Variants in MRC2 observed in about 807,000 individuals in gnomAD.
The protein encoded by MRC2 is mannose receptor C-type 2, also known as C-type mannose receptor 2.
A neutral mutation model predicts 206.2 loss-of-function variants in MRC2; 84 were observed. The observed-to-expected ratio is 0.41, with a 90% CI of 0.34 to 0.49. The LOEUF is 0.49. MRC2 is among the 20% of genes least tolerant of loss of function. The pLI, the probability that MRC2 is intolerant of heterozygous loss-of-function variation, is 0.31. For synonymous variants in MRC2, 798 were observed against 800.0 expected, an observed-to-expected ratio of 1.00 and a Z score of 0.04; for missense variants, 1,676 against 2,001.5, an observed-to-expected ratio of 0.84 and a Z score of 3.10.
chr17:62,666,962 G>A lies in MRC2; in HGVS notation c.973+92G>A, dbSNP rs1266579063. 1.0e-6 allele frequency: 1 copy of A among 967,240 alleles called. No individual in the cohort carries two copies. The highest frequency in any genetic ancestry group is 1.6e-6 in the Non-Finnish European group (1 of 629,378). 59.9% of individuals were successfully genotyped at this position (967,240 alleles called of 1,614,324 possible). ...TCCTCTCCTCATGTCCTCCTGCAGA[G>A]GGGCAGTGTGGGTAGGGGAAGCACC... On this transcript the variant is annotated intron_variant, in intron 5 of 29. Transcript: ENST00000303375. This position sits in a 1 kb window ranked among gnomAD's most constrained non-coding sequence, Gnocchi z 5.0.
chr17:62,665,401 T>TCC (rs11297640), intron 2 of MRC2, among the ~76,000 whole-genome samples: 35 of 130,618 alleles, frequency 2.7e-4, no homozygotes, highest in African/African-American at 8.8e-4. Flanking sequence ...CAAGACTCTG[T>TCC]CCCCCCCCCC....
chr17:62,682,059 A>G (rs1367459348), intron 19 of MRC2, 122 bp downstream of exon 19: 3 of 1,103,726 alleles, frequency 2.7e-6, no homozygotes, highest in Non-Finnish European at 1.3e-6. Flanking sequence ...AATAAAGGCT[A>G]GACTCAGCGA....
intron 13 of MRC2, among the ~76,000 whole-genome samples, chr17:62,678,855 G>A (rs1239081364): frequency 2.6e-5 from 4 of 152,126 alleles, no homozygotes; most frequent in South Asian, 2.1e-4. Flanking sequence ...GAACAGGCTG[G>A]TGTGATCCAT....
At chr17:62,647,522 A>T (rs1021986190) in intron 1 of MRC2, among the ~76,000 whole-genome samples, 1 of 152,082 alleles carries the variant, frequency 6.6e-6, no homozygotes, top group Non-Finnish European at 1.5e-5. Context: ...ATAGAATGTG[A>T]ACTTCTGTGT....
chr17:62,674,591 T>G (rs2088867496), intron 9 of MRC2, among the ~76,000 whole-genome samples: 1 of 152,148 alleles, frequency 6.6e-6, no homozygotes, highest in Admixed American at 6.5e-5. Context: ...ACAGGGCGTG[T>G]GCTGGTCTGT....
chr17:62,691,998 A>G, intron 28 of MRC2, 114 bp from the exon 29 acceptor site: 4 of 1,375,802 alleles, frequency 2.9e-6, no homozygotes, highest in Non-Finnish European at 4.1e-6. Context: ...GGGGAACTAG[A>G]GCCTCTTTCT....
chr17:62,653,864 C>T (rs567361471), intron 1 of MRC2, among the ~76,000 whole-genome samples: 1 of 152,024 alleles, frequency 6.6e-6, no homozygotes, highest in Non-Finnish European at 1.5e-5. Flanking sequence ...TCATGTAACC[C>T]CCGTCCTCCA....
At chr17:62,686,432 A>C (rs1248819821) in intron 20 of MRC2, among the ~76,000 whole-genome samples, 1 of 145,516 alleles carries the variant, frequency 6.9e-6, no homozygotes, top group East Asian at 2.0e-4. Flanking sequence ...CAGCCTGGGC[A>C]ACAAAGCAAG....
At chr17:62,634,327 G>C (rs1432137488) in intron 1 of MRC2, among the ~76,000 whole-genome samples, 1 of 151,718 alleles carries the variant, frequency 6.6e-6, no homozygotes, top group African/African-American at 2.4e-5. Context: ...TTGAGATGGA[G>C]TCTCACTCTG....
chr17:62,639,153 TG>T (rs1405103259), intron 1 of MRC2, among the ~76,000 whole-genome samples: 1 of 152,110 alleles, frequency 6.6e-6, no homozygotes, highest in Non-Finnish European at 1.5e-5. Flanking sequence ...CTGGCCAACA[TG>T]GTGAAACCCC....
Position 62,677,468 on chromosome 17 carries a change from A to G in MRC2, c.2034A>G (p.Lys678=). 2 of 1,605,508 alleles carry G rather than the reference A, an allele frequency of 1.2e-6. No homozygotes were observed. The highest frequency in any genetic ancestry group is 1.7e-6 in the Non-Finnish European group (2 of 1,175,068). ...SCPQGWASDT[K]LRYCYKVFSS... is the part of the protein sequence containing the mutation. ...CCCAGGGCTGGGCCTCGGACACCAA[A>G]CTCCGGTATTGCTATAAGGTAGGGC... Residue 678 remains lysine (K), a synonymous_variant, in exon 12 of 30, where the codon AAA becomes AAG. Transcript: ENST00000303375.
chr17:62,666,668 T>C lies in MRC2; in HGVS notation c.859+49T>C. ...TCGTGCCTCTGGAGGGCCCGGGCCC[T>C]TTCCGCTTGTGGGTTGGGGAGAGGG... is the stretch of plus-strand genomic sequence containing the variant. On this transcript the variant is annotated intron_variant, in intron 4 of 29. Transcript: ENST00000303375. This position sits in a 1 kb window ranked among gnomAD's most constrained non-coding sequence, Gnocchi z 5.0. 6.4e-7 allele frequency: 1 copy of C among 1,550,634 alleles called. No individual in the cohort carries two copies. Among genetic ancestry groups the C allele is most frequent in the Non-Finnish European group, 8.7e-7 (1 of 1,146,698 alleles).
chr17:62,682,173 G>T (rs2088975661), intron 19 of MRC2, 62 bp from the exon 20 acceptor site: 7 of 1,458,074 alleles, frequency 4.8e-6, no homozygotes, highest in Non-Finnish European at 6.4e-6. Flanking sequence ...TGAGTGTGCT[G>T]CCAGCCATGC....
rs999995317 is a variant in MRC2 at position 62,655,198 on chromosome 17, A to G, written c.119-9350A>G. ...CTACTCGGGAGGCTGAGGCAGGAGA[A>G]TGGCATGAACCCCAGGGGTGGAGCC... On this transcript the variant is annotated intron_variant, in intron 1 of 29. Coordinates refer to ENST00000303375, the MANE Select transcript of MRC2 (RefSeq NM_006039.5). Among the ~76,000 whole-genome samples the G allele has an allele frequency of 2.0e-5, 3 of 149,962 alleles. No homozygotes were observed. The Admixed American group carries it at 2.0e-4, about 10-fold the overall frequency.
At chr17:62,632,064 C>T (rs2084220381) in intron 1 of MRC2, among the ~76,000 whole-genome samples, 1 of 152,106 alleles carries the variant, frequency 6.6e-6, no homozygotes, top group African/African-American at 2.4e-5. Context: ...TCCTGTGAAT[C>T]TGGGTGGGGT....
At chr17:62,642,027 A>G (rs1401321561) in intron 1 of MRC2, among the ~76,000 whole-genome samples, 2 of 152,234 alleles carry the variant, frequency 1.3e-5, no homozygotes, top group Admixed American at 6.5e-5. Context: ...CTATGTAACC[A>G]TAATATCTAA....
intron 9 of MRC2, among the ~76,000 whole-genome samples, chr17:62,674,700 GA>G (rs796474555): frequency 1.7e-3 from 233 of 134,822 alleles, no homozygotes; most frequent in African/African-American, 5.0e-3. Context: ...TAGGGAGGTT[GA>G]GGGGGGGGGT....
At chr17:62,653,833 G>A (rs2088586542) in intron 1 of MRC2, among the ~76,000 whole-genome samples, 3 of 152,120 alleles carry the variant, frequency 2.0e-5, no homozygotes, top group Admixed American at 2.0e-4. Flanking sequence ...GCACAGTTGG[G>A]CGGGGTATTG....
In MRC2 at chr17:62,675,027, C is replaced by G. The variant is rs62076155; in HGVS notation, c.1570-763C>G. Among the ~76,000 whole-genome samples the G allele has an allele frequency of 0.088, 13,456 of 152,262 alleles. 699 individuals carry two copies. The highest frequency in any genetic ancestry group is 0.2 in the South Asian group (960 of 4,830). ...ATGGGCGAGGAAGCAGAGGGGAGAG[C>G]AGAGCCCAGCTGCGGAGTCTGTGGA... On this transcript the variant is annotated intron_variant, in intron 9 of 29. Coordinates refer to ENST00000303375, the MANE Select transcript of MRC2 (RefSeq NM_006039.5). This position sits in a 1 kb window ranked among gnomAD's most constrained non-coding sequence, Gnocchi z 4.1.
Sources: allele counts gnomAD v4.1 joint callset (sites outside exome capture counted in the v4.1 genomes callset), GRCh38; gene constraint gnomAD v4.1.1; non-coding constraint Gnocchi (gnomAD v3.1); transcripts MANE v1.5; gene names NCBI Gene and HGNC (gene_info 2026-07-23, HGNC 2026-07-21).